The following FAM184A variants were observed in gnomAD, a reference collection of about 807,000 sequenced individuals.
FAM184A encodes the protein family with sequence similarity 184 member A, also known as protein FAM184A.
A neutral mutation model predicts 143.8 loss-of-function variants in FAM184A; 99 were observed. That is an observed-to-expected ratio of 0.69 (90% CI 0.58 to 0.81). The LOEUF (loss-of-function observed/expected upper bound fraction) is 0.81. FAM184A is among the 40% of genes least tolerant of loss of function. The probability of loss-of-function intolerance (pLI) is 0.00; values close to 1 mark genes in which losing one functional copy is unlikely to be tolerated. For missense variants in FAM184A, 1,217 were observed against 1,310.5 expected (o/e 0.93, Z 1.10); for synonymous variants, 427 against 446.4 (o/e 0.96, Z 0.55).
rs1432008589 is a variant in FAM184A at position 118,997,329 on chromosome 6, A to C, written c.2088+5570T>G. 1.1e-4 allele frequency among the ~76,000 whole-genome samples: 17 copies of C among 151,392 alleles called. No individual in the cohort carries two copies. The East Asian group carries it at 3.1e-3, about 28-fold the overall frequency. On this transcript the variant is annotated intron_variant, in intron 9 of 17. Transcript: ENST00000338891. ...GACTAAGTGAAACTCCATCTCAAAA[A>C]AAAAAAAAAAAAATTAAAAGAGACA...
intron 3 of FAM184A, among the ~76,000 whole-genome samples, chr6:119,021,770 G>C (rs1025231767): frequency 6.6e-6 from 1 of 152,078 alleles, no homozygotes; most frequent in African/African-American, 2.4e-5. Context: ...GAGCCCAGGA[G>C]TTTGAGGTCA....
In FAM184A at chr6:119,024,546, C is replaced by T. The variant is rs774269782; in HGVS notation, c.427G>A (p.Ala143Thr). 1.9e-6 allele frequency: 3 copies of T among 1,614,112 alleles called. No homozygotes were observed. The highest frequency in any genetic ancestry group is 2.5e-6 in the Non-Finnish European group (3 of 1,180,010). The change falls in exon 2 of 18, where the codon GCA (alanine) becomes ACA (threonine). Residue 143 changes from alanine to threonine, a missense_variant. Coordinates refer to ENST00000338891, the MANE Select transcript of FAM184A (RefSeq NM_024581.6). ...KHRVEDMQLC[A>T]EAQHVQRIVT... is the part of the protein sequence containing the mutation. ...ATGCGTTGGACATGCTGGGCTTCTG[C>T]ACAAAGTTGCATGTCCTCAACTCTG...
At chr6:119,070,764 T>A (rs1174336537) in intron 1 of FAM184A, among the ~76,000 whole-genome samples, 1 of 152,204 alleles carries the variant, frequency 6.6e-6, no homozygotes, top group Non-Finnish European at 1.5e-5. Flanking sequence ...ATTTACTTAA[T>A]GTCCTTTACA....
chr6:119,072,300 T>C lies in FAM184A; in HGVS notation c.159+5841A>G, dbSNP rs181779963. On this transcript the variant is annotated intron_variant, in intron 1 of 17. Transcript: ENST00000338891. Reference sequence around the variant, plus strand: ...CAAATTAATCCAAACCACTCCACTATGACTAAAAGATTACATCCAAGCCAC... The same window carrying C: ...CAAATTAATCCAAACCACTCCACTACGACTAAAAGATTACATCCAAGCCAC... Among the ~76,000 whole-genome samples, 15 of 152,300 alleles carry C rather than the reference T, an allele frequency of 9.8e-5. No homozygotes were observed. In the East Asian group the frequency reaches 2.9e-3, roughly 29 times the overall value.
chr6:119,061,139 A>G (rs1787219899), intron 1 of FAM184A, among the ~76,000 whole-genome samples: 1 of 152,194 alleles, frequency 6.6e-6, no homozygotes, highest in South Asian at 2.1e-4. Flanking sequence ...TGTCTCTTCA[A>G]TATTAAGAAG....
At chr6:118,990,228 G>A (rs1784334087) in intron 9 of FAM184A, among the ~76,000 whole-genome samples, 1 of 152,148 alleles carries the variant, frequency 6.6e-6, no homozygotes, top group African/African-American at 2.4e-5. Flanking sequence ...TCTTTAAGGT[G>A]TCATCAGACA....
Position 119,061,934 on chromosome 6 carries a change from G to A in FAM184A, c.159+16207C>T, listed in dbSNP as rs141062303. Among the ~76,000 whole-genome samples, 1,051 of 152,160 alleles carry A rather than the reference G, an allele frequency of 6.9e-3. 7 individuals are homozygous for A. The highest frequency in any genetic ancestry group is 0.026 in the Admixed American group (394 of 15,274). On this transcript the variant is annotated intron_variant, in intron 1 of 17. Transcript: ENST00000338891. ...AACAAAAGAAAAAAATAGGGGCAAG[G>A]CATAGTGGCTCACACCTGTAATCTC...
chr6:119,147,410 C>G (rs1772485501), intron 1 of FAM184A, among the ~76,000 whole-genome samples: 3 of 152,144 alleles, frequency 2.0e-5, no homozygotes, highest in South Asian at 4.1e-4. Context: ...TCCAACTCCT[C>G]ATTGTTTGCT....
intron 1 of FAM184A, among the ~76,000 whole-genome samples, chr6:119,109,832 A>C (rs186915409): frequency 6.6e-6 from 1 of 152,256 alleles, no homozygotes; most frequent in Non-Finnish European, 1.5e-5. Flanking sequence ...CTACTAACTC[A>C]TTACTTTAAA....
At chr6:119,116,000 CACACACAT>C (rs1459486375) in intron 1 of FAM184A, among the ~76,000 whole-genome samples, 4 of 151,466 alleles carry the variant, frequency 2.6e-5, no homozygotes, top group South Asian at 4.2e-4. Flanking sequence ...CACACACACA[CACACACAT>C]ACACACACAC....
chr6:119,113,682 T>A (rs901423713), intron 1 of FAM184A, among the ~76,000 whole-genome samples: 1 of 152,186 alleles, frequency 6.6e-6, no homozygotes, highest in Admixed American at 6.5e-5. Flanking sequence ...ATTATATGCC[T>A]GTAATCTCAG....
chr6:119,076,083 C>G (rs1787861719), intron 1 of FAM184A, among the ~76,000 whole-genome samples: 1 of 151,846 alleles, frequency 6.6e-6, no homozygotes, highest in Non-Finnish European at 1.5e-5. Context: ...TTGGTAATAC[C>G]TGGAGGCATG....
At position 119,096,605 on chromosome 6, in the gene FAM184A, C is replaced by G. The variant is rs1184515868; in HGVS notation, c.-202+52473G>C. 1.4e-4 allele frequency among the ~76,000 whole-genome samples: 4 copies of G among 28,300 alleles called. 2 individuals carry two copies. The highest frequency in any genetic ancestry group is 2.8e-4 in the Non-Finnish European group (4 of 14,512). The allele number at this position is 28,300 out of a possible 152,430, so 18.6% of individuals were successfully genotyped here. ...GAGCCGAGATTGCGCCACTGCAGTCCGCAGTCCGGCCTGGGCGACAGAGCG... is the reference window on the plus strand; with the variant it reads ...GAGCCGAGATTGCGCCACTGCAGTCGGCAGTCCGGCCTGGGCGACAGAGCG... On this transcript the variant is annotated intron_variant, in intron 1 of 16. Transcript: ENST00000352896.
intron 1 of FAM184A, among the ~76,000 whole-genome samples, chr6:119,091,315 C>T (rs1202384755): frequency 6.6e-6 from 1 of 152,202 alleles, no homozygotes; most frequent in African/African-American, 2.4e-5. Flanking sequence ...TTCAACTTCT[C>T]CACCTTGGTT....
rs1562157340 is a variant in FAM184A, at chr6:119,117,687, T to C, written c.-202+31391A>G. Among the ~76,000 whole-genome samples, 3 of 152,222 alleles carry C rather than the reference T, an allele frequency of 2.0e-5. No individual in the cohort carries two copies. In the South Asian group the frequency reaches 6.2e-4, roughly 32 times the overall value. On this transcript the variant is annotated intron_variant, in intron 1 of 16. Transcript: ENST00000352896. ...TGTGAAGTATACAGTAGGATTATCA[T>C]TTTTTACAGATAACAAAACAGACTC... is the stretch of plus-strand genomic sequence containing the variant.
At chr6:118,963,004 G>T (rs1469465611) in intron 16 of FAM184A, 2 of 151,934 alleles carry the variant, frequency 1.3e-5, no homozygotes, top group African/African-American at 4.8e-5. Context: ...ATTTTCCTCT[G>T]TCATATTCTG....
chr6:118,966,960 CAAGA>C lies in FAM184A; in HGVS notation c.2916-12_2916-9del. The C allele has an allele frequency of 1.5e-6, 2 of 1,340,224 alleles. No homozygotes were observed. The highest frequency in any genetic ancestry group is 2.1e-6 in the Non-Finnish European group (2 of 945,176). The allele number at this position is 1,340,224 out of a possible 1,614,324, so 83.0% of individuals were successfully genotyped here. ...TCTTCCATTTCTTCTAATCTGAAAA[CAAGA>C]AAGACTTTAGCTCATTGATATCACT... On this transcript the variant is annotated splice_polypyrimidine_tract_variant and intron_variant, in intron 14 of 17. Transcript: ENST00000338891.
chr6:118,979,170 A>C (rs942614112), intron 11 of FAM184A, among the ~76,000 whole-genome samples, 195 bp downstream of exon 11: 1 of 152,176 alleles, frequency 6.6e-6, no homozygotes, highest in East Asian at 1.9e-4. Context: ...GTACAGAGAG[A>C]GCTGAGGGGA....
chr6:119,122,623 TTCAAAA>T (rs1003676661), intron 1 of FAM184A, among the ~76,000 whole-genome samples: 107 of 152,194 alleles, frequency 7.0e-4, no homozygotes, highest in African/African-American at 2.2e-3. Flanking sequence ...CTTCTCCATG[TTCAAAA>T]AATGGCATTG....
Sources: gnomAD v4.1 joint callset for allele counts (sites outside exome capture counted in the v4.1 genomes callset) on GRCh38, gnomAD v4.1.1 for gene constraint, MANE v1.5 for transcripts, NCBI Gene and HGNC (gene_info 2026-07-23, HGNC 2026-07-21) for gene names.